The following NTNG1 variants were observed in gnomAD, a reference collection of about 807,000 sequenced individuals.
The protein encoded by NTNG1 is netrin-G1.
In NTNG1, 16 loss-of-function variants were observed where a neutral mutation model predicts 54.0. That is an observed-to-expected ratio of 0.30 (90% CI 0.20 to 0.45). The LOEUF (loss-of-function observed/expected upper bound fraction) is 0.45, where lower values mean the gene tolerates loss of function less well. Ranked by LOEUF, NTNG1 falls within the 20% of genes least tolerant of loss-of-function variation. The pLI is 1.00. For missense variants in NTNG1, 530 were observed against 678.7 expected (o/e 0.78, Z 2.43); for synonymous variants, 255 against 263.1 (o/e 0.97, Z 0.30).
At chr1:107,448,028 G>A (rs1399640599) in intron 7 of NTNG1, among the ~76,000 whole-genome samples, 4 of 152,028 alleles carry the variant, frequency 2.6e-5, no homozygotes, top group Non-Finnish European at 5.9e-5. Flanking sequence ...TGGGATTCCT[G>A]CCATCCAAGG....
At chr1:107,326,353 A>G (rs1202916358) in intron 3 of NTNG1, among the ~76,000 whole-genome samples, 1 of 152,146 alleles carries the variant, frequency 6.6e-6, no homozygotes. Flanking sequence ...TGTAGAGGAT[A>G]ATTCATGTAT....
chr1:107,413,945 T>C (rs1051341210), intron 5 of NTNG1, among the ~76,000 whole-genome samples: 1 of 152,100 alleles, frequency 6.6e-6, no homozygotes, highest in African/African-American at 2.4e-5. Context: ...ATCAGAAAAC[T>C]TTTTCCTTGA....
intron 2 of NTNG1, among the ~76,000 whole-genome samples, chr1:107,185,936 A>G (rs193261924): frequency 1.3e-5 from 2 of 152,244 alleles, no homozygotes; most frequent in East Asian, 3.9e-4. Flanking sequence ...TATATTCCAT[A>G]GTGGTGAAGC....
intron 3 of NTNG1, among the ~76,000 whole-genome samples, chr1:107,358,191 TG>T (rs1164023672): frequency 1.3e-5 from 2 of 152,040 alleles, no homozygotes; most frequent in Non-Finnish European, 2.9e-5. Context: ...TTAATCTTTG[TG>T]GGGAAAAATG....
intron 7 of NTNG1, among the ~76,000 whole-genome samples, chr1:107,445,948 G>A (rs1676281999): frequency 6.6e-6 from 1 of 152,008 alleles, no homozygotes; most frequent in Non-Finnish European, 1.5e-5. Flanking sequence ...ACCATTCTTA[G>A]TTCATAGGCC....
At chr1:107,392,646 T>C (rs1263691622) in intron 3 of NTNG1, among the ~76,000 whole-genome samples, 4 of 152,050 alleles carry the variant, frequency 2.6e-5, no homozygotes, top group Non-Finnish European at 5.9e-5. Flanking sequence ...TGTGGACATT[T>C]GGAAGGACTG....
intron 7 of NTNG1, among the ~76,000 whole-genome samples, chr1:107,437,982 GA>G (rs1675713107): frequency 6.6e-6 from 1 of 152,034 alleles, no homozygotes; most frequent in African/African-American, 2.4e-5. Context: ...AATTTCTATA[GA>G]AAACTGTATA....
intron 2 of NTNG1, among the ~76,000 whole-genome samples, chr1:107,161,002 C>A (rs1406830343): frequency 6.6e-6 from 1 of 152,144 alleles, no homozygotes; most frequent in Non-Finnish European, 1.5e-5. Flanking sequence ...TGGTTTTACT[C>A]CTTACAGGCC....
intron 3 of NTNG1, among the ~76,000 whole-genome samples, chr1:107,386,453 C>T (rs989199531): frequency 1.3e-5 from 2 of 152,102 alleles, no homozygotes; most frequent in Non-Finnish European, 2.9e-5. Flanking sequence ...GGATTACAGG[C>T]GTGTGCCACC....
In NTNG1 at chr1:107,290,860, A is replaced by G. The variant is rs373305796; in HGVS notation, c.247-33422A>G. Among the ~76,000 whole-genome samples, 15 of 151,298 alleles carry G rather than the reference A, an allele frequency of 9.9e-5. No individual in the cohort carries two copies. The East Asian group carries it at 2.9e-3, about 29-fold the overall frequency. ...GCATGTAAAACCCACTCATGTATAT[A>G]TATTGAATAAAAAAAGGAAAGACCA... On this transcript the variant is annotated intron_variant, in intron 2 of 7. Transcript: ENST00000370068.
intron 2 of NTNG1, among the ~76,000 whole-genome samples, chr1:107,303,056 G>C (rs1666421978): frequency 6.6e-6 from 1 of 152,146 alleles, no homozygotes; most frequent in South Asian, 2.1e-4. Flanking sequence ...TGATCCTGCA[G>C]CAAGATATAA....
intron 2 of NTNG1, among the ~76,000 whole-genome samples, chr1:107,224,245 A>G (rs1267179931): frequency 1.3e-5 from 2 of 152,312 alleles, no homozygotes; most frequent in South Asian, 2.1e-4. Context: ...GTGCTCCAGT[A>G]TGACTTAGAA....
chr1:107,329,809 G>A (rs1342258485), intron 3 of NTNG1, among the ~76,000 whole-genome samples: 1 of 150,232 alleles, frequency 6.7e-6, no homozygotes, highest in Non-Finnish European at 1.5e-5. Context: ...ACAGATGCTG[G>A]CTTTGATGGT....
At chr1:107,344,626 C>T (rs1191668582) in intron 3 of NTNG1, among the ~76,000 whole-genome samples, 1 of 152,110 alleles carries the variant, frequency 6.6e-6, no homozygotes, top group Admixed American at 6.6e-5. Flanking sequence ...TGTCAGCAAA[C>T]TTGTCATTCT....
intron 2 of NTNG1, among the ~76,000 whole-genome samples, chr1:107,152,033 C>CATACATAT (rs148474790): frequency 0.048 from 7,206 of 151,184 alleles, 548 homozygotes; most frequent in African/African-American, 0.17. Context: ...TATATATATA[C>CATACATAT]ATACATATAT....
chr1:107,294,460 G>A (rs746178590), intron 2 of NTNG1, among the ~76,000 whole-genome samples: 17 of 152,132 alleles, frequency 1.1e-4, no homozygotes, highest in Non-Finnish European at 2.2e-4. Flanking sequence ...TTCAGAGCAT[G>A]AATAGAAAGG....
intron 5 of NTNG1, among the ~76,000 whole-genome samples, chr1:107,412,962 T>G (rs525799): frequency 0.96 from 146,713 of 152,150 alleles, 70,953 homozygotes; most frequent in East Asian, 1. Flanking sequence ...ATCTCAAGGA[T>G]AACTCTGCCA....
At chr1:107,428,766 T>C (rs1282494743) in intron 5 of NTNG1, among the ~76,000 whole-genome samples, 7 of 152,130 alleles carry the variant, frequency 4.6e-5, no homozygotes, top group Admixed American at 4.6e-4. Context: ...CTAGAAGCTT[T>C]TCTGACTCCC....
chr1:107,190,172 A>G (rs1221727424), intron 2 of NTNG1, among the ~76,000 whole-genome samples: 1 of 152,088 alleles, frequency 6.6e-6, no homozygotes, highest in Non-Finnish European at 1.5e-5. Flanking sequence ...GGAGGAATGA[A>G]GAGTTATTGT....
Sources: gnomAD v4.1 joint callset for allele counts (sites outside exome capture counted in the v4.1 genomes callset) on GRCh38, gnomAD v4.1.1 for gene constraint, MANE v1.5 for transcripts, NCBI Gene and HGNC (gene_info 2026-07-23, HGNC 2026-07-21) for gene names.